Variants in LRRC49 observed in about 807,000 individuals in gnomAD.
The protein encoded by LRRC49 is leucine rich repeat containing 49, also known as leucine-rich repeat-containing protein 49.
LRRC49 carries 50 observed loss-of-function variants against 83.3 expected under a neutral mutation model. That is an observed-to-expected ratio of 0.60 (90% CI 0.48 to 0.76). LRRC49 has a LOEUF of 0.76. Ranked by LOEUF, LRRC49 falls within the 30% of genes least tolerant of loss-of-function variation. The pLI is 0.00. For synonymous variants in LRRC49, 286 were observed against 283.3 expected (o/e 1.01, Z -0.10); for missense variants, 704 against 809.1 (o/e 0.87, Z 1.58).
Position 70,884,036 on chromosome 15 carries a change from G to C in LRRC49, c.19-9548G>C, listed in dbSNP as rs568367191. On this transcript the variant is annotated intron_variant, in intron 2 of 16. Transcript: ENST00000544974. ...TTTTGATATGTAAAAGGTAATATAA[G>C]ACAGGGTACCTAGAGATTATGTGGA... is the stretch of plus-strand genomic sequence containing the variant. Among the ~76,000 whole-genome samples the C allele has an allele frequency of 5.3e-5, 8 of 152,242 alleles. No individual in the cohort carries two copies. In the South Asian group the frequency reaches 1.7e-3, roughly 32 times the overall value.
chr15:71,034,702 A>G (rs746899026), intron 14 of LRRC49, among the ~76,000 whole-genome samples: 2 of 152,242 alleles, frequency 1.3e-5, no homozygotes, highest in South Asian at 2.1e-4. Context: ...ATGGAATACT[A>G]TGCAATCATA....
intron 6 of LRRC49, among the ~76,000 whole-genome samples, chr15:70,917,405 G>A (rs1035624787): frequency 6.6e-6 from 1 of 152,192 alleles, no homozygotes; most frequent in African/African-American, 2.4e-5. Flanking sequence ...GCCCATAAAA[G>A]CCCTGGACTC....
intron 11 of LRRC49, among the ~76,000 whole-genome samples, chr15:70,986,845 G>T (rs910507319): frequency 6.6e-6 from 1 of 152,138 alleles, no homozygotes; most frequent in African/African-American, 2.4e-5. Flanking sequence ...TTAGCATGAA[G>T]GGCTGTTGAA....
intron 14 of LRRC49, among the ~76,000 whole-genome samples, chr15:71,029,149 T>G (rs1332100258): frequency 6.6e-6 from 1 of 152,226 alleles, no homozygotes; most frequent in Non-Finnish European, 1.5e-5. Flanking sequence ...ATGTGTCTAT[T>G]TGTTCTCATT....
intron 14 of LRRC49, among the ~76,000 whole-genome samples, chr15:71,036,469 A>G (rs1420858894): frequency 2.0e-5 from 3 of 152,200 alleles, no homozygotes; most frequent in Admixed American, 6.5e-5. Context: ...CTCAATCTTC[A>G]GTACACAGTT....
chr15:70,914,040 T>C (rs2034659048), intron 6 of LRRC49, among the ~76,000 whole-genome samples: 1 of 151,682 alleles, frequency 6.6e-6, no homozygotes, highest in Admixed American at 6.6e-5. Context: ...CACAAATTAC[T>C]TCTCAAGGTT....
chr15:70,987,633 C>T (rs2037681149), intron 11 of LRRC49, among the ~76,000 whole-genome samples: 1 of 152,064 alleles, frequency 6.6e-6, no homozygotes, highest in Non-Finnish European at 1.5e-5. Flanking sequence ...GTCTCTATTT[C>T]CTTCAGTTCT....
intron 14 of LRRC49, among the ~76,000 whole-genome samples, chr15:71,029,107 C>T (rs2039266600): frequency 2.0e-5 from 3 of 152,118 alleles, no homozygotes; most frequent in Admixed American, 2.0e-4. Flanking sequence ...TCCCTCTTAA[C>T]ACTGCTTTAG....
chr15:70,867,631 A>G (rs966844380), intron 1 of LRRC49, among the ~76,000 whole-genome samples: 1 of 152,228 alleles, frequency 6.6e-6, no homozygotes, highest in Non-Finnish European at 1.5e-5. Flanking sequence ...CTCCAAATCT[A>G]TGCTGTTCCC....
Position 70,925,617 on chromosome 15 carries a change from G to C in LRRC49, c.711+6424G>C, listed in dbSNP as rs900507275. Among the ~76,000 whole-genome samples the C allele has an allele frequency of 3.3e-5, 5 of 152,178 alleles. 1 individual carries two copies. In the South Asian group the frequency reaches 6.2e-4, roughly 19 times the overall value. On this transcript the variant is annotated intron_variant, in intron 7 of 15. Transcript: ENST00000260382. Reference sequence around the variant, plus strand: ...ATATTGGTGCTTTCTTTGTCTTATAGTATCAAAACATACAGAATGGGTATC... The same window carrying C: ...ATATTGGTGCTTTCTTTGTCTTATACTATCAAAACATACAGAATGGGTATC...
intron 6 of LRRC49, among the ~76,000 whole-genome samples, chr15:70,917,153 G>C (rs926544379): frequency 6.6e-6 from 1 of 152,172 alleles, no homozygotes; most frequent in African/African-American, 2.4e-5. Context: ...GGGAATCTGA[G>C]GGGGGCTGAG....
chr15:70,885,578 A>C (rs1409839559), intron 2 of LRRC49, among the ~76,000 whole-genome samples: 1 of 152,200 alleles, frequency 6.6e-6, no homozygotes, highest in East Asian at 1.9e-4. Context: ...AGAAGGATGG[A>C]AACAGATGTA....
chr15:70,921,236 G>T lies in LRRC49; in HGVS notation c.711+2043G>T, dbSNP rs556336122. Among the ~76,000 whole-genome samples the T allele has an allele frequency of 1.3e-4, 20 of 152,180 alleles. No homozygotes were observed. In the South Asian group the frequency reaches 4.2e-3, roughly 32 times the overall value. On this transcript the variant is annotated intron_variant, in intron 7 of 15. Coordinates refer to ENST00000260382, the MANE Select transcript of LRRC49 (RefSeq NM_017691.5). Reference sequence around the variant, plus strand: ...GCCAAAATAAGACTTTACTTTCAGGGGTAGAAAGACTTTGTTTTCATTTGT... The same window carrying T: ...GCCAAAATAAGACTTTACTTTCAGGTGTAGAAAGACTTTGTTTTCATTTGT...
intron 3 of LRRC49, chr15:70,900,694 G>T: frequency 2.1e-6 from 1 of 480,094 alleles, no homozygotes; most frequent in South Asian, 2.0e-5. Flanking sequence ...CAACCAATCT[G>T]TAAGGCAAGG....
intron 9 of LRRC49, among the ~76,000 whole-genome samples, chr15:70,965,520 G>C (rs2036763903): frequency 6.6e-6 from 1 of 151,982 alleles, no homozygotes; most frequent in East Asian, 1.9e-4. Context: ...TGATTTTCAT[G>C]ACTGATATTT....
intron 14 of LRRC49, among the ~76,000 whole-genome samples, chr15:71,015,095 A>C (rs1567100145): frequency 6.6e-6 from 1 of 152,184 alleles, no homozygotes; most frequent in Non-Finnish European, 1.5e-5. Context: ...AGGATAGCCA[A>C]AAACTTATCT....
At chr15:70,923,769 C>A (rs1254444364) in intron 7 of LRRC49, among the ~76,000 whole-genome samples, 4 of 151,832 alleles carry the variant, frequency 2.6e-5, no homozygotes, top group African/African-American at 9.7e-5. Flanking sequence ...TCTGCTTTAT[C>A]TTCTCTCTTG....
At chr15:70,952,391 A>G (rs2036251139) in intron 8 of LRRC49, among the ~76,000 whole-genome samples, 1 of 151,914 alleles carries the variant, frequency 6.6e-6, no homozygotes, top group African/African-American at 2.4e-5. Context: ...CATCTGGTCT[A>G]GGGCTTTTTT....
chr15:70,969,896 C>T (rs2036931803), intron 9 of LRRC49, among the ~76,000 whole-genome samples: 1 of 152,248 alleles, frequency 6.6e-6, no homozygotes, highest in East Asian at 1.9e-4. Flanking sequence ...ATGGGGTTTT[C>T]TAAATATACA....
Sources: gnomAD v4.1 joint callset for allele counts (sites outside exome capture counted in the v4.1 genomes callset) on GRCh38, gnomAD v4.1.1 for gene constraint, MANE v1.5 for transcripts, NCBI Gene and HGNC (gene_info 2026-07-23, HGNC 2026-07-21) for gene names.